Variants in SORCS3 observed in about 807,000 individuals in gnomAD.
The protein encoded by SORCS3 is VPS10 domain-containing receptor SorCS3.
SORCS3 carries 57 observed loss-of-function variants against 146.3 expected under a neutral mutation model. The observed-to-expected ratio is 0.39, with a 90% confidence interval of 0.31 to 0.49. The LOEUF (loss-of-function observed/expected upper bound fraction) is 0.49, where lower values mean the gene tolerates loss of function less well. Among genes scored for constraint, SORCS3 ranks in the 20% least tolerant of loss-of-function variants. The pLI is 0.92. For missense variants in SORCS3, 1,341 were observed against 1,575.5 expected, an observed-to-expected ratio of 0.85 and a Z score of 2.52; for synonymous variants, 653 against 618.5, an observed-to-expected ratio of 1.06 and a Z score of -0.83.
chr10:105,124,677 T>C (rs2055960002), intron 7 of SORCS3, among the ~76,000 whole-genome samples: 1 of 152,166 alleles, frequency 6.6e-6, no homozygotes. Flanking sequence ...GCTTTCCTCC[T>C]TCTCTTCTCT....
chr10:104,651,533 T>TAAAAA (rs34352025), intron 1 of SORCS3, among the ~76,000 whole-genome samples: 5 of 112,630 alleles, frequency 4.4e-5, no homozygotes, highest in Non-Finnish European at 5.3e-5. Context: ...CGGGCTCTAC[T>TAAAAA]AAAAAAAAAA....
chr10:105,256,953 G>A (rs769065673), intron 25 of SORCS3, 29 bp downstream of exon 25: 67 of 1,492,618 alleles, frequency 4.5e-5, no homozygotes, highest in Non-Finnish European at 6.2e-5. Context: ...CAATTTAGTA[G>A]TGGGGTTGGG....
chr10:105,225,838 A>G (rs1281041991), intron 20 of SORCS3, among the ~76,000 whole-genome samples: 1 of 152,018 alleles, frequency 6.6e-6, no homozygotes, highest in Non-Finnish European at 1.5e-5. Context: ...TGATGGTGCT[A>G]AAGTACATGG....
At chr10:105,259,204 C>A (rs1315844478) in intron 25 of SORCS3, among the ~76,000 whole-genome samples, 1 of 152,194 alleles carries the variant, frequency 6.6e-6, no homozygotes, top group Non-Finnish European at 1.5e-5. Context: ...GACTGAGGAA[C>A]TGAATTTTAA....
rs1380784668 is a variant in SORCS3, at chr10:104,724,616, T to C, written c.627+82662T>C. 2.0e-5 allele frequency among the ~76,000 whole-genome samples: 3 copies of C among 152,240 alleles called. No homozygotes were observed. In the East Asian group the frequency reaches 5.8e-4, roughly 29 times the overall value. On this transcript the variant is annotated intron_variant, in intron 1 of 26. Transcript: ENST00000369701. ...TCCCCATCACTTTCAGGTACACCAA[T>C]CAGACGTAGATTTGGTCTTTTCACA...
chr10:105,082,864 G>A (rs1329090680), intron 5 of SORCS3, among the ~76,000 whole-genome samples: 1 of 152,088 alleles, frequency 6.6e-6, no homozygotes, highest in Admixed American at 6.6e-5. Flanking sequence ...CTGAGTAGCT[G>A]GGATTACATG....
chr10:105,045,390 T>C (rs567263833), intron 5 of SORCS3, among the ~76,000 whole-genome samples: 81 of 152,294 alleles, frequency 5.3e-4, no homozygotes, highest in South Asian at 1.2e-3. Flanking sequence ...AGTTTATGCC[T>C]GTGCTGAATA....
At chr10:105,084,730 CTTCT>C (rs1292978060) in intron 5 of SORCS3, among the ~76,000 whole-genome samples, 1 of 140,374 alleles carries the variant, frequency 7.1e-6, no homozygotes. Flanking sequence ...AGTGCTGCTT[CTTCT>C]TTTTTTTTTT....
chr10:104,945,492 C>T (rs551723871), intron 3 of SORCS3, among the ~76,000 whole-genome samples: 123 of 150,746 alleles, frequency 8.2e-4, no homozygotes, highest in South Asian at 2.1e-3. Context: ...CTCCTGACTT[C>T]GAGTGATCCA....
intron 5 of SORCS3, among the ~76,000 whole-genome samples, chr10:105,058,664 C>T (rs1419815432): frequency 6.6e-6 from 1 of 152,118 alleles, no homozygotes; most frequent in Non-Finnish European, 1.5e-5. Flanking sequence ...GTTGCTAATT[C>T]TACTCCTGCC....
intron 6 of SORCS3, among the ~76,000 whole-genome samples, chr10:105,094,756 T>C (rs929294570): frequency 6.6e-6 from 1 of 152,334 alleles, no homozygotes; most frequent in Admixed American, 6.5e-5. Context: ...AAACAGAATG[T>C]TTGATTTGGT....
intron 16 of SORCS3, among the ~76,000 whole-genome samples, chr10:105,208,201 C>T (rs1473361049): frequency 1.3e-5 from 2 of 152,054 alleles, no homozygotes; most frequent in Non-Finnish European, 2.9e-5. Flanking sequence ...ATTAACCGGG[C>T]ATAGTGGTGG....
At chr10:105,082,424 T>C (rs2055632009) in intron 5 of SORCS3, among the ~76,000 whole-genome samples, 1 of 152,218 alleles carries the variant, frequency 6.6e-6, no homozygotes, top group African/African-American at 2.4e-5. Context: ...AAAATAATAT[T>C]GTCATAGCTA....
chr10:104,822,275 TC>T (rs2017882566), intron 1 of SORCS3, among the ~76,000 whole-genome samples: 1 of 152,190 alleles, frequency 6.6e-6, no homozygotes, highest in African/African-American at 2.4e-5. Context: ...GACTGCCGTG[TC>T]CCTTTACCCT....
chr10:105,031,915 A>T (rs1379433600), intron 4 of SORCS3, among the ~76,000 whole-genome samples: 1 of 152,166 alleles, frequency 6.6e-6, no homozygotes, highest in Non-Finnish European at 1.5e-5. Flanking sequence ...TCTCAGGGCC[A>T]GGTGCAGTGG....
chr10:105,068,119 A>G (rs2055533730), intron 5 of SORCS3, among the ~76,000 whole-genome samples: 1 of 152,058 alleles, frequency 6.6e-6, no homozygotes, highest in African/African-American at 2.4e-5. Flanking sequence ...TAGCTCTACT[A>G]TATACCTCAA....
intron 1 of SORCS3, among the ~76,000 whole-genome samples, chr10:104,663,073 G>A (rs549691974): frequency 5.3e-5 from 8 of 152,142 alleles, no homozygotes; most frequent in Non-Finnish European, 1.0e-4. Flanking sequence ...CCAGCTCTGG[G>A]AGCTGCCGGC....
chr10:104,977,484 G>T lies in SORCS3; in HGVS notation c.945G>T (p.Leu315Phe), dbSNP rs768435706. 1 of 1,602,430 alleles carries T rather than the reference G, an allele frequency of 6.2e-7. No homozygotes were observed. Among genetic ancestry groups the T allele is most frequent in the Non-Finnish European group, 8.5e-7 (1 of 1,176,016 alleles). Residue 315 changes from leucine to phenylalanine, a missense_variant, in exon 4 of 27, where the codon TTG becomes TTT. Transcript: ENST00000369701. ...KQEDWVLAYS[L>F]DQKLYSSMDF... ...AGGACTGGGTGCTGGCCTACAGTTT[G>T]GATCAAAAGGTGAATAAATACTATT...
intron 1 of SORCS3, among the ~76,000 whole-genome samples, chr10:104,642,215 G>A (rs970818398): frequency 6.6e-6 from 1 of 152,190 alleles, no homozygotes; most frequent in Non-Finnish European, 1.5e-5. Flanking sequence ...GCTTCTTAAA[G>A]ATGAGTGGGG....
Sources: gnomAD v4.1 joint callset for allele counts (sites outside exome capture counted in the v4.1 genomes callset) on GRCh38, gnomAD v4.1.1 for gene constraint, MANE v1.5 for transcripts, NCBI Gene and HGNC (gene_info 2026-07-23, HGNC 2026-07-21) for gene names.